ORC4: variants seen among roughly 807,000 people sequenced by gnomAD.
The protein encoded by ORC4 is origin recognition complex subunit 4.
Under a neutral mutation model 63.9 loss-of-function variants are expected in ORC4, and 55 were observed. That is an observed-to-expected ratio of 0.86 (90% CI 0.69 to 1.08). The LOEUF is 1.08. Among genes scored for constraint, ORC4 ranks in the 50% least tolerant of loss-of-function variants. The pLI is 0.00. For synonymous variants in ORC4, 150 were observed against 168.5 expected (o/e 0.89, Z 0.85); for missense variants, 511 against 504.4 (o/e 1.01, Z -0.13).
chr2:148,000,205 A>G (rs1692215599), intron 1 of ORC4, among the ~76,000 whole-genome samples: 1 of 152,144 alleles, frequency 6.6e-6, no homozygotes, highest in South Asian at 2.1e-4. Context: ...ACAAATTGTC[A>G]GACTGAAAGG....
intron 4 of ORC4, among the ~76,000 whole-genome samples, chr2:147,964,725 T>C (rs1211846965): frequency 6.6e-6 from 1 of 152,206 alleles, no homozygotes; most frequent in African/African-American, 2.4e-5. Flanking sequence ...CCTATTATAC[T>C]AACAGTAGAT....
intron 7 of ORC4, among the ~76,000 whole-genome samples, chr2:147,952,828 A>T (rs1689036499): frequency 6.6e-6 from 1 of 151,518 alleles, no homozygotes; most frequent in South Asian, 2.1e-4. Context: ...GGAGTTCGAG[A>T]CCAGCCTGAC....
chr2:147,982,399 G>A (rs1159617872), intron 1 of ORC4, among the ~76,000 whole-genome samples: 1 of 152,072 alleles, frequency 6.6e-6, no homozygotes, highest in Non-Finnish European at 1.5e-5. Context: ...AGGAGAAAGG[G>A]CTTTTGCAGT....
chr2:147,972,970 T>A, intron 3 of ORC4, 141 bp from the exon 4 acceptor site: 1 of 607,104 alleles, frequency 1.6e-6, no homozygotes, highest in South Asian at 2.1e-5. Context: ...AGCTTCTGAA[T>A]GGTCCTAAAT....
At chr2:147,947,964 G>T in intron 9 of ORC4, 87 bp downstream of exon 9, 1 of 1,028,906 alleles carries the variant, frequency 9.7e-7, no homozygotes, top group Non-Finnish European at 1.5e-6. Context: ...GAAACTTTGT[G>T]TTAATTTACT....
In ORC4 at chr2:147,975,919, T is replaced by C; in HGVS notation, c.40A>G (p.Thr14Ala). Residue 14 changes from threonine (T) to alanine (A), a missense_variant, in exon 2 of 14, where the codon ACA becomes GCA. Thr to Ala is a moderately conservative substitution (Grantham distance 58). Transcript: ENST00000392857. ...ATACTAACCTGTGAAAGGCACTCTG[T>C]GTGAATTAAGCTGTTACTCTTTGAT... ...RKSKSNSLIH[T>A]ECLSQVQRIL... 6.3e-7 allele frequency: 1 copy of C among 1,588,036 alleles called. No individual in the cohort carries two copies. The highest frequency in any genetic ancestry group is 1.3e-5 in the African/African-American group (1 of 74,568).
intron 2 of ORC4, among the ~76,000 whole-genome samples, chr2:147,974,086 A>G (rs113996240): frequency 3.8e-4 from 58 of 152,338 alleles, no homozygotes; most frequent in African/African-American, 1.4e-3. Context: ...GACTGACAGC[A>G]TGGAACTAAT....
At chr2:147,954,542 G>A (rs375333454) in intron 7 of ORC4, among the ~76,000 whole-genome samples, 98 of 152,196 alleles carry the variant, frequency 6.4e-4, no homozygotes, top group Middle Eastern at 3.4e-3. Context: ...GTAAAAATAT[G>A]GTTTTATAAT....
intron 1 of ORC4, among the ~76,000 whole-genome samples, chr2:147,979,144 A>G (rs1201409453): frequency 6.6e-6 from 1 of 152,200 alleles, no homozygotes. Flanking sequence ...AATAAAAGGC[A>G]TCCAAATCAA....
intron 1 of ORC4, among the ~76,000 whole-genome samples, chr2:148,010,977 AG>A (rs1692932314): frequency 6.6e-6 from 1 of 151,046 alleles, no homozygotes; most frequent in Non-Finnish European, 1.5e-5. Flanking sequence ...TACAGGCATA[AG>A]CCACCATGCC....
intron 1 of ORC4, among the ~76,000 whole-genome samples, chr2:147,986,068 T>C (rs1332198460): frequency 6.6e-6 from 1 of 152,238 alleles, no homozygotes. Context: ...TCTTTGAATG[T>C]CTATGTGTAC....
At chr2:147,999,450 T>G (rs1389740808) in intron 1 of ORC4, among the ~76,000 whole-genome samples, 3 of 152,198 alleles carry the variant, frequency 2.0e-5, no homozygotes. Flanking sequence ...CATTTTAAAC[T>G]TGATTGTTCT....
chr2:147,937,689 A>G (rs934921307), intron 13 of ORC4, among the ~76,000 whole-genome samples: 1 of 152,202 alleles, frequency 6.6e-6, no homozygotes, highest in African/African-American at 2.4e-5. Context: ...GTAGTGGACA[A>G]TGGTAATCTA....
At chr2:147,964,237 G>C (rs894100627) in intron 4 of ORC4, among the ~76,000 whole-genome samples, 1 of 151,828 alleles carries the variant, frequency 6.6e-6, no homozygotes, top group Non-Finnish European at 1.5e-5. Context: ...CTTGTGATTC[G>C]AATAAGAAAT....
intron 1 of ORC4, among the ~76,000 whole-genome samples, chr2:148,013,332 A>C (rs981094871): frequency 1.3e-5 from 2 of 152,236 alleles, no homozygotes; most frequent in Non-Finnish European, 2.9e-5. Context: ...TAGAAAGACA[A>C]GTATCACATG....
At chr2:147,995,175 G>A (rs1337821987) in intron 1 of ORC4, among the ~76,000 whole-genome samples, 5 of 149,528 alleles carry the variant, frequency 3.3e-5, no homozygotes, top group Admixed American at 2.0e-4. Context: ...TCTGTGTCTA[G>A]CTAAAGGATT....
intron 6 of ORC4, 108 bp downstream of exon 6, chr2:147,958,190 T>C (rs1689369997): frequency 1.5e-6 from 1 of 684,628 alleles, no homozygotes; most frequent in South Asian, 1.8e-5. Context: ...ATATTTCAAT[T>C]AAGAATTTCT....
intron 9 of ORC4, among the ~76,000 whole-genome samples, chr2:147,945,648 G>A (rs1688617679): frequency 1.3e-5 from 2 of 151,932 alleles, no homozygotes; most frequent in Admixed American, 6.6e-5. Context: ...TTTGAAGTAG[G>A]GCTAAAACAA....
At chr2:147,961,168 A>T (rs1165390493) in intron 4 of ORC4, among the ~76,000 whole-genome samples, 1 of 152,094 alleles carries the variant, frequency 6.6e-6, no homozygotes, top group East Asian at 1.9e-4. Context: ...GGCTAGGCAC[A>T]GTGGCTCATG....
Sources: gnomAD v4.1 joint callset for allele counts (sites outside exome capture counted in the v4.1 genomes callset) on GRCh38, gnomAD v4.1.1 for gene constraint, MANE v1.5 for transcripts, NCBI Gene and HGNC (gene_info 2026-07-23, HGNC 2026-07-21) for gene names.